SCRN1: variants seen among roughly 807,000 people sequenced by gnomAD.
The protein encoded by SCRN1 is secernin-1.
SCRN1 carries 19 observed loss-of-function variants against 43.3 expected under a neutral mutation model. The observed-to-expected ratio is 0.44, with a 90% CI of 0.31 to 0.64. SCRN1 has a LOEUF of 0.64. Among genes scored for constraint, SCRN1 ranks in the 30% least tolerant of loss-of-function variants. The pLI is 0.09. For synonymous variants in SCRN1, 183 were observed against 188.9 expected, an observed-to-expected ratio of 0.97 and a Z score of 0.26; for missense variants, 447 against 524.1, an observed-to-expected ratio of 0.85 and a Z score of 1.44.
rs182928789 is a variant in SCRN1 at position 29,957,736 on chromosome 7, C to T, written c.160-2376G>A. 3.6e-3 allele frequency among the ~76,000 whole-genome samples: 549 copies of T among 152,160 alleles called. 1 individual carries two copies. Among genetic ancestry groups the T allele is most frequent in the Non-Finnish European group, 6.2e-3 (420 of 68,012 alleles). Reference sequence around the variant, plus strand: ...GCATGGTCCGCTAGAGGCTGTATCACGTGGGAGAAATCTGGGTTGACCTTA... The same window carrying T: ...GCATGGTCCGCTAGAGGCTGTATCATGTGGGAGAAATCTGGGTTGACCTTA... On this transcript the variant is annotated intron_variant, in intron 2 of 7. Transcript: ENST00000242059.
rs192785722 is a variant in SCRN1 at position 29,955,615 on chromosome 7, C to T, written c.160-255G>A. Among the ~76,000 whole-genome samples the T allele has an allele frequency of 2.0e-5, 3 of 152,308 alleles. No individual in the cohort carries two copies. The East Asian group carries it at 5.8e-4, about 29-fold the overall frequency. Reference sequence around the variant, plus strand: ...CAATCATCTTGAACCAGGTATTCAGCCAATCATCATCCTGAACATCCTAAG... The same window carrying T: ...CAATCATCTTGAACCAGGTATTCAGTCAATCATCATCCTGAACATCCTAAG... On this transcript the variant is annotated intron_variant, in intron 2 of 7. Coordinates refer to ENST00000242059, the MANE Select transcript of SCRN1 (RefSeq NM_014766.5).
intron 3 of SCRN1, among the ~76,000 whole-genome samples, chr7:29,953,192 C>G (rs1788015318): frequency 6.6e-6 from 1 of 152,244 alleles, no homozygotes; most frequent in Non-Finnish European, 1.5e-5. Flanking sequence ...CATCAAATCT[C>G]AGATCACTTT....
intron 3 of SCRN1, among the ~76,000 whole-genome samples, chr7:29,946,852 C>T (rs778278599): frequency 2.0e-5 from 3 of 152,266 alleles, no homozygotes; most frequent in African/African-American, 4.8e-5. Context: ...TACACCCTTG[C>T]CCTCTGCAAC....
At chr7:29,955,069 T>A in intron 3 of SCRN1, 110 bp downstream of exon 3, 1 of 860,398 alleles carries the variant, frequency 1.2e-6, no homozygotes, top group Non-Finnish European at 1.8e-6. Context: ...AAGGCACACA[T>A]CATCTTTGGA....
At chr7:29,960,341 G>A (rs1031963087) in intron 2 of SCRN1, among the ~76,000 whole-genome samples, 7 of 151,688 alleles carry the variant, frequency 4.6e-5, no homozygotes, top group Admixed American at 1.3e-4. Flanking sequence ...ACTCATTGAC[G>A]ACAGTGAATC....
At chr7:29,967,807 G>A (rs1371591548) in intron 2 of SCRN1, among the ~76,000 whole-genome samples, 1 of 152,050 alleles carries the variant, frequency 6.6e-6, no homozygotes, top group Non-Finnish European at 1.5e-5. Flanking sequence ...CCCAAGAAAA[G>A]CAATGATAAA....
At chr7:29,951,403 C>T (rs946762568) in intron 3 of SCRN1, among the ~76,000 whole-genome samples, 4 of 152,264 alleles carry the variant, frequency 2.6e-5, no homozygotes, top group African/African-American at 9.6e-5. Flanking sequence ...GTGTGCAGGG[C>T]CAAGTGGTGG....
At chr7:29,957,297 G>A (rs537639216) in intron 2 of SCRN1, among the ~76,000 whole-genome samples, 29 of 152,184 alleles carry the variant, frequency 1.9e-4, no homozygotes, top group African/African-American at 6.0e-4. Flanking sequence ...AGGCAAAGGC[G>A]CGCACACAAA....
chr7:29,954,237 A>C (rs940945148), intron 3 of SCRN1, among the ~76,000 whole-genome samples: 10 of 152,040 alleles, frequency 6.6e-5, no homozygotes, highest in Admixed American at 6.5e-4. Context: ...GGGAGAGGGG[A>C]AAAAGGAAGA....
At chr7:29,941,170 A>G (rs920364595) in intron 4 of SCRN1, among the ~76,000 whole-genome samples, 8 of 152,200 alleles carry the variant, frequency 5.3e-5, no homozygotes, top group African/African-American at 1.9e-4. Flanking sequence ...TTTTGGCTAA[A>G]TAAGCCCCAA....
chr7:29,955,713 C>T (rs1392542553), intron 2 of SCRN1, among the ~76,000 whole-genome samples: 1 of 152,134 alleles, frequency 6.6e-6, no homozygotes, highest in African/African-American at 2.4e-5. Flanking sequence ...ACGAGCCCTA[C>T]CTTCAAAAGA....
rs571997317 is a variant in SCRN1, at chr7:29,984,935, A to C, written c.-2+4707T>G. Among the ~76,000 whole-genome samples, 15 of 143,458 alleles carry C rather than the reference A, an allele frequency of 1.0e-4. 2 individuals carry two copies. The highest frequency in any genetic ancestry group is 4.0e-4 in the African/African-American group (15 of 37,902). 94.1% of individuals were successfully genotyped at this position (143,458 alleles called of 152,430 possible). Reference sequence around the variant, plus strand: ...CTCTGTCTCAAAAAAAAAAAAAAAGAATTACAAATTAAAATAAGGAGCCAA... The same window carrying C: ...CTCTGTCTCAAAAAAAAAAAAAAAGCATTACAAATTAAAATAAGGAGCCAA... On this transcript the variant is annotated intron_variant, in intron 1 of 7. Coordinates refer to ENST00000242059, the MANE Select transcript of SCRN1 (RefSeq NM_014766.5).
intron 1 of SCRN1, among the ~76,000 whole-genome samples, chr7:29,986,952 C>T (rs1038536448): frequency 5.3e-5 from 8 of 152,000 alleles, no homozygotes; most frequent in Admixed American, 1.3e-4. Context: ...TCTCGATCTC[C>T]TGACCTCGTG....
Position 29,929,302 on chromosome 7 carries a change from T to C in SCRN1, c.906-2670A>G, listed in dbSNP as rs550462836. 1.8e-3 allele frequency among the ~76,000 whole-genome samples: 269 copies of C among 152,208 alleles called. 1 individual carries two copies. The highest frequency in any genetic ancestry group is 2.7e-3 in the Non-Finnish European group (183 of 67,992). ...CCACCTGGGCTGGTAGGCTTCACGG[T>C]GGAACTGGTGCAGGCTCAACACCTG... On this transcript the variant is annotated intron_variant, in intron 6 of 7. Coordinates refer to ENST00000242059, the MANE Select transcript of SCRN1 (RefSeq NM_014766.5).
At chr7:29,989,924 G>A (rs991896747), upstream of SCRN1, 5 of 1,076,032 alleles carry the variant, frequency 4.6e-6, no homozygotes, top group African/African-American at 1.7e-5. Context: ...CTGGCTGCAC[G>A]GGCCGCGGCG....
At chr7:29,934,267 T>G (rs1030180574) in intron 6 of SCRN1, among the ~76,000 whole-genome samples, 4 of 152,222 alleles carry the variant, frequency 2.6e-5, no homozygotes, top group African/African-American at 7.2e-5. Context: ...CAGAAGGCTA[T>G]TGCCCAGCCA....
chr7:29,967,296 T>C (rs1357153262), intron 2 of SCRN1, among the ~76,000 whole-genome samples: 2 of 152,194 alleles, frequency 1.3e-5, no homozygotes, highest in Non-Finnish European at 2.9e-5. Flanking sequence ...AATAAGTGAT[T>C]ATCTCCATAA....
chr7:29,955,948 A>G (rs1788122769), intron 2 of SCRN1, among the ~76,000 whole-genome samples: 1 of 152,154 alleles, frequency 6.6e-6, no homozygotes, highest in Admixed American at 6.5e-5. Flanking sequence ...TTTGATCCTC[A>G]CACTAAGACA....
At chr7:29,943,758 C>T (rs528307822) in intron 4 of SCRN1, among the ~76,000 whole-genome samples, 8 of 152,232 alleles carry the variant, frequency 5.3e-5, no homozygotes, top group South Asian at 2.1e-4. Flanking sequence ...ACAGAAAATA[C>T]GAAATGTTAA....
Sources: gnomAD v4.1 joint callset for allele counts (sites outside exome capture counted in the v4.1 genomes callset) on GRCh38, gnomAD v4.1.1 for gene constraint, MANE v1.5 for transcripts, NCBI Gene and HGNC (gene_info 2026-07-23, HGNC 2026-07-21) for gene names.